ZNG1B: variants seen among roughly 807,000 people sequenced by gnomAD.
ZNG1B encodes the protein Zn regulated GTPase metalloprotein activator 1B.
the ZNG1B span, among the ~76,000 whole-genome samples, chr2:113,449,115 C>T: frequency 6.6e-6 from 1 of 151,264 alleles, no homozygotes. Context: ...CTCTAGCTTC[C>T]TCACCTCTCT....
chr2:113,456,010 G>A, the ZNG1B span, among the ~76,000 whole-genome samples: 10 of 151,788 alleles, frequency 6.6e-5, no homozygotes, highest in East Asian at 1.7e-3. Flanking sequence ...GAGCCACCAC[G>A]CCCGGCCTGA....
chr2:113,445,683 C>A, the ZNG1B span: 1 of 148,978 alleles, frequency 6.7e-6, no homozygotes, highest in Non-Finnish European at 1.5e-5. Flanking sequence ...AGCTCTAATT[C>A]TTGATAAAGT....
chr2:113,478,114 A>G, the ZNG1B span, among the ~76,000 whole-genome samples: 1 of 152,160 alleles, frequency 6.6e-6, no homozygotes, highest in African/African-American at 2.4e-5. Flanking sequence ...ATAATGCTGC[A>G]ATGAATATCT....
chr2:113,446,782 A>ATT, the ZNG1B span, among the ~76,000 whole-genome samples: 1 of 151,892 alleles, frequency 6.6e-6, no homozygotes, highest in Non-Finnish European at 1.5e-5. Flanking sequence ...GCACACACAC[A>ATT]CACACACACA....
the ZNG1B span, among the ~76,000 whole-genome samples, chr2:113,453,715 A>G: frequency 1.3e-5 from 2 of 148,348 alleles, no homozygotes; most frequent in Non-Finnish European, 3.0e-5. Flanking sequence ...ACTCGATGTC[A>G]CTCAACTTCC....
At chr2:113,442,586 C>A in the ZNG1B span, among the ~76,000 whole-genome samples, 1 of 152,144 alleles carries the variant, frequency 6.6e-6, no homozygotes, top group Admixed American at 6.5e-5. Context: ...TAACCTATTG[C>A]ACACTGATTA....
chr2:113,452,222 C>A, the ZNG1B span, among the ~76,000 whole-genome samples: 1 of 152,106 alleles, frequency 6.6e-6, no homozygotes, highest in Non-Finnish European at 1.5e-5. Flanking sequence ...ACCATTAGAT[C>A]TTGTGGCCCT....
chr2:113,442,801 G>A, the ZNG1B span, among the ~76,000 whole-genome samples: 1 of 152,106 alleles, frequency 6.6e-6, no homozygotes, highest in Non-Finnish European at 1.5e-5. Context: ...TTTTATGGGA[G>A]CTCATTTGCT....
the ZNG1B span, chr2:113,481,514 C>T: frequency 1.3e-5 from 2 of 152,076 alleles, no homozygotes; most frequent in Non-Finnish European, 2.9e-5. Context: ...GGTTTTCAGT[C>T]CTTTCCCCCT....
the ZNG1B span, among the ~76,000 whole-genome samples, chr2:113,474,428 C>A: frequency 6.7e-6 from 1 of 150,214 alleles, no homozygotes; most frequent in Non-Finnish European, 1.5e-5. Context: ...TTGATCCTTT[C>A]AAAAAACCAG....
At chr2:113,476,905 C>T in the ZNG1B span, among the ~76,000 whole-genome samples, 1 of 152,204 alleles carries the variant, frequency 6.6e-6, no homozygotes, top group South Asian at 2.1e-4. Flanking sequence ...GCTGGGGGAA[C>T]CACTGCTCTT....
the ZNG1B span, among the ~76,000 whole-genome samples, chr2:113,477,245 A>C: frequency 7.2e-5 from 11 of 152,252 alleles, no homozygotes; most frequent in South Asian, 2.1e-3. Context: ...AGCCCGTCGG[A>C]AAAGCGCAGT....
At chr2:113,438,992 G>C in the ZNG1B span, 12 of 1,144,552 alleles carry the variant, frequency 1.0e-5, no homozygotes, top group South Asian at 1.7e-4. Context: ...ATTTTATAAA[G>C]GAATTTATTT....
chr2:113,471,955 G>A, the ZNG1B span, among the ~76,000 whole-genome samples: 175 of 152,122 alleles, frequency 1.2e-3, 1 homozygote, highest in South Asian at 8.1e-3. Context: ...GTGTGCATAT[G>A]TCTTTATAGC....
chr2:113,489,275 C>A, the ZNG1B span, among the ~76,000 whole-genome samples: 1 of 151,634 alleles, frequency 6.6e-6, no homozygotes, highest in African/African-American at 2.4e-5. Context: ...TATATGAAGG[C>A]AAGATACAGC....
the ZNG1B span, chr2:113,481,479 C>T: frequency 7.5e-6 from 1 of 133,866 alleles, no homozygotes; most frequent in Non-Finnish European, 1.6e-5. Context: ...ACCCCTCACT[C>T]TTCTTCAAGG....
At chr2:113,463,231 G>A in the ZNG1B span, among the ~76,000 whole-genome samples, 1 of 152,098 alleles carries the variant, frequency 6.6e-6, no homozygotes. Context: ...CAGGGGCTTT[G>A]TTTTGAATTA....
At chr2:113,466,235 C>G in the ZNG1B span, 1 of 918,676 alleles carries the variant, frequency 1.1e-6, no homozygotes, top group Non-Finnish European at 1.3e-6. Flanking sequence ...TTTTTCTCCG[C>G]TTTACAAAAT....
the ZNG1B span, chr2:113,437,993 T>G: frequency 6.2e-7 from 1 of 1,611,896 alleles, no homozygotes; most frequent in South Asian, 1.1e-5. Flanking sequence ...GGCGCCAAGA[T>G]CCCAGTCACA....
Sources: gnomAD v4.1 joint callset for allele counts (sites outside exome capture counted in the v4.1 genomes callset) on GRCh38, gnomAD v4.1.1 for gene constraint, MANE v1.5 for transcripts, NCBI Gene and HGNC (gene_info 2026-07-23, HGNC 2026-07-21) for gene names.